HK3: variants seen among roughly 807,000 people sequenced by gnomAD.
HK3 encodes hexokinase 3, also known as hexokinase-3.
In HK3, 93 loss-of-function variants were observed where a neutral mutation model predicts 91.0. The ratio of observed to expected loss-of-function variants is 1.02; its 90% confidence interval spans 0.86 to 1.21. The LOEUF (loss-of-function observed/expected upper bound fraction) is 1.21, where lower values mean the gene tolerates loss of function less well. Among genes scored for constraint, HK3 ranks in the 50% most tolerant of loss-of-function variants. HK3 has a pLI of 0.00. For missense variants in HK3, 1,235 were observed against 1,247.4 expected (o/e 0.99, Z 0.15); for synonymous variants, 519 against 516.9 (o/e 1.00, Z -0.06).
intron 15 of HK3, 81 bp downstream of exon 15, chr5:176,883,689 G>A (rs773331620): frequency 8.3e-5 from 94 of 1,134,452 alleles, no homozygotes; most frequent in Non-Finnish European, 9.9e-5. Context: ...CCACCGCCAA[G>A]GAAACATCCA....
intron 6 of HK3, among the ~76,000 whole-genome samples, chr5:176,890,268 C>T (rs1470432658): frequency 1.3e-5 from 2 of 152,210 alleles, no homozygotes; most frequent in East Asian, 1.9e-4. Flanking sequence ...ATCAAAGAGC[C>T]AGTGCTTCCT....
chr5:176,885,317 C>T lies in HK3; in HGVS notation c.1858-1183G>A, dbSNP rs1217997627. Among the ~76,000 whole-genome samples the T allele has an allele frequency of 2.0e-5, 3 of 152,246 alleles. No homozygotes were observed. In the East Asian group the frequency reaches 5.8e-4, roughly 29 times the overall value. On this transcript the variant is annotated intron_variant, in intron 13 of 18. Transcript: ENST00000292432. ...CCCGGGGCACCTCCCTGAGTTCCCA[C>T]ATCCCTGCAAATTCTGCACAGCAAA...
Position 176,887,862 on chromosome 5 carries a change from A to AC in HK3, c.1305-117dup, listed in dbSNP as rs945766268. ...ACAGGTGTGCCCAGCTTGGCCCCAG[A>AC]CCCCTAGGGCCTCCTGAAGCCCAAG... On this transcript the variant is annotated intron_variant, in intron 10 of 18. Coordinates refer to ENST00000292432, the MANE Select transcript of HK3 (RefSeq NM_002115.3). This position sits in a 1 kb window ranked among gnomAD's most constrained non-coding sequence, Gnocchi z 4.9. 1.4e-5 allele frequency: 15 copies of AC among 1,041,610 alleles called. No homozygotes were observed. The African/African-American group carries it at 2.1e-4, about 15-fold the overall frequency. The allele number at this position is 1,041,610 out of a possible 1,614,324, so 64.5% of individuals were successfully genotyped here.
chr5:176,882,638 G>A (rs1226564950), intron 15 of HK3, among the ~76,000 whole-genome samples: 3 of 152,244 alleles, frequency 2.0e-5, no homozygotes, highest in Non-Finnish European at 4.4e-5. Context: ...GAAGCACCAA[G>A]GAGAGCATCG....
Position 176,887,587 on chromosome 5 carries a change from G to A in HK3, c.1464C>T (p.Ala488=). The change falls in exon 11 of 19, where the codon GCC becomes GCT. Residue 488 remains alanine, a synonymous_variant. Transcript: ENST00000292432. The surrounding 1 kb of genome is among the most constrained non-coding windows in gnomAD (Gnocchi z 4.9). ...AHRRLLEETL[A]PFRLNHDQLA... ...GTTGATCATGGTTCAACCGGAATGG[G>A]GCCAGGGTCTCCTCCAGCAGGCGCC... 6.2e-7 allele frequency: 1 copy of A among 1,613,896 alleles called. No homozygotes were observed. The highest frequency in any genetic ancestry group is 1.1e-5 in the South Asian group (1 of 91,090).
chr5:176,882,254 C>T, intron 15 of HK3, 127 bp from the exon 16 acceptor site: 2 of 941,930 alleles, frequency 2.1e-6, no homozygotes, highest in Non-Finnish European at 1.6e-6. Flanking sequence ...ACAGCCTGTC[C>T]CTGGTCCTGG....
chr5:176,899,002 G>C (rs1290739563), intron 1 of HK3, among the ~76,000 whole-genome samples: 1 of 152,180 alleles, frequency 6.6e-6, no homozygotes, highest in Non-Finnish European at 1.5e-5. Flanking sequence ...GGGTGTGGTG[G>C]TGTGCGCCTG....
intron 2 of HK3, among the ~76,000 whole-genome samples, chr5:176,894,851 A>G (rs1758867599): frequency 7.0e-6 from 1 of 142,386 alleles, no homozygotes; most frequent in Non-Finnish European, 1.5e-5. Context: ...ATCTTGGCTC[A>G]CTGCAAGCTC....
At chr5:176,882,647 C>T (rs1005418220) in intron 15 of HK3, among the ~76,000 whole-genome samples, 8 of 152,188 alleles carry the variant, frequency 5.3e-5, no homozygotes, top group African/African-American at 1.9e-4. Flanking sequence ...AGGAGAGCAT[C>T]GTGGGAGCCC....
intron 15 of HK3, 45 bp from the exon 16 acceptor site, chr5:176,882,172 C>G (rs761093605): frequency 4.4e-6 from 7 of 1,600,732 alleles, no homozygotes; most frequent in Non-Finnish European, 5.1e-6. Flanking sequence ...CTGATGTAGA[C>G]AAGGACCCTC....
Position 176,886,989 on chromosome 5 carries a change from G to C in HK3, c.1857+13C>G. The C allele has an allele frequency of 6.2e-7, 1 of 1,613,678 alleles. No homozygotes were observed. Among genetic ancestry groups the C allele is most frequent in the Non-Finnish European group, 8.5e-7 (1 of 1,179,860 alleles). On this transcript the variant is annotated intron_variant, in intron 13 of 18. Transcript: ENST00000292432. Reference sequence around the variant, plus strand: ...GAGGCCCTTGGGAATCACTTCTCTTGGCCCTCCCTCACCTGGTCTAGGCCA... The same window carrying C: ...GAGGCCCTTGGGAATCACTTCTCTTCGCCCTCCCTCACCTGGTCTAGGCCA...
intron 15 of HK3, 80 bp from the exon 16 acceptor site, chr5:176,882,207 C>T (rs1219924995): frequency 1.6e-5 from 24 of 1,460,950 alleles, no homozygotes; most frequent in Middle Eastern, 2.0e-4. Flanking sequence ...ACCGAGATGG[C>T]AACGATTCGG....
At chr5:176,891,366 C>G (rs747562408) in intron 3 of HK3, 22 bp downstream of exon 3, 3 of 1,610,116 alleles carry the variant, frequency 1.9e-6, no homozygotes, top group Non-Finnish European at 2.5e-6. Flanking sequence ...CCTGGCCACG[C>G]ATCTCAATCT....
At chr5:176,889,129 G>A (rs990552928) in intron 8 of HK3, among the ~76,000 whole-genome samples, 1 of 152,228 alleles carries the variant, frequency 6.6e-6, no homozygotes, top group African/African-American at 2.4e-5. Context: ...ACCACTTCCA[G>A]CCCTCAACCC....
Position 176,888,433 on chromosome 5 carries a change from G to A in HK3, c.1203C>T (p.Ala401=), listed in dbSNP as rs745620616. The A allele has an allele frequency of 1.0e-5, 16 of 1,559,606 alleles. No individual in the cohort carries two copies. Among genetic ancestry groups the A allele is most frequent in the South Asian group, 3.5e-5 (3 of 84,714 alleles). The change falls in exon 10 of 19, where the codon GCC becomes GCT. Residue 401 remains alanine, a synonymous_variant. Coordinates refer to ENST00000292432, the MANE Select transcript of HK3 (RefSeq NM_002115.3). ...GGCAGGAGAGAACAGCGGCCAGGGCGGCAGCACAGAGCTGGGCAGCCCGCG... is the reference window on the plus strand; with the variant it reads ...GGCAGGAGAGAACAGCGGCCAGGGCAGCAGCACAGAGCTGGGCAGCCCGCG... The part of the protein sequence containing the change: ...VCTRAAQLCA[A]ALAAVLSCLQ...
In HK3 at chr5:176,887,724, T is replaced by C; in HGVS notation, c.1327A>G (p.Thr443Ala). The C allele has an allele frequency of 6.2e-7, 1 of 1,611,582 alleles. No individual in the cohort carries two copies. The highest frequency in any genetic ancestry group is 8.5e-7 in the Non-Finnish European group (1 of 1,178,226). ...HPRFCSVLQG[T>A]VMLLAPECDV... Reference sequence around the variant, plus strand: ...CATTCCGGGGCCAGGAGCATCACTGTCCCCTGCAGGACGCTGCAGAACCTA... The same window carrying C: ...CATTCCGGGGCCAGGAGCATCACTGCCCCCTGCAGGACGCTGCAGAACCTA... Residue 443 changes from threonine to alanine, a missense_variant, in exon 11 of 19, where the codon ACA (threonine) becomes GCA (alanine). By Grantham distance (58) the Thr-to-Ala change is moderately conservative (BLOSUM62 0). Coordinates refer to ENST00000292432, the MANE Select transcript of HK3 (RefSeq NM_002115.3). The surrounding 1 kb of genome is among the most constrained non-coding windows in gnomAD (Gnocchi z 4.9).
chr5:176,883,955 G>T, intron 14 of HK3, 84 bp downstream of exon 14: 3 of 1,581,558 alleles, frequency 1.9e-6, no homozygotes, highest in South Asian at 2.2e-5. Context: ...TACCGCAGAG[G>T]GCTCCCCCCT....
At position 176,881,692 on chromosome 5, in the gene HK3, C is replaced by A. The variant is rs990488029; in HGVS notation, c.2393G>T (p.Ser798Ile). The change falls in exon 17 of 19, where the codon AGT (serine) becomes ATT (isoleucine). Residue 798 changes from serine (S) to isoleucine (I), a missense_variant and splice_region_variant. By Grantham distance (142) the Ser-to-Ile change is moderately radical. Around this residue, in one of 3 missense-constraint regions of HK3, gnomAD observed 513 missense variants for 477.4 expected, o/e 1.07. Transcript: ENST00000292432. ...FKTKFLSEIE[S>I]DSLALRQVRA... ...GGGAGGCAATGTAGGCCTCAGGCAC[C>A]TTTCGATCTCAGAGAGGAACTTGGT... 10 of 1,613,964 alleles carry A rather than the reference C, an allele frequency of 6.2e-6. No homozygotes were observed. Among genetic ancestry groups the A allele is most frequent in the Non-Finnish European group, 8.5e-6 (10 of 1,180,032 alleles).
At chr5:176,896,510 T>G (rs553515381) in intron 1 of HK3, among the ~76,000 whole-genome samples, 1 of 152,332 alleles carries the variant, frequency 6.6e-6, no homozygotes, top group Admixed American at 6.5e-5. Context: ...GGCCCTGCCC[T>G]CAGGGACCTC....
Sources: gnomAD v4.1 joint callset for allele counts (sites outside exome capture counted in the v4.1 genomes callset) on GRCh38, gnomAD v4.1.1 for gene constraint, gnomAD v4.1.1 regional missense constraint, Gnocchi (gnomAD v3.1) non-coding constraint, MANE v1.5 for transcripts, NCBI Gene and HGNC (gene_info 2026-07-23, HGNC 2026-07-21) for gene names.